The following DOCK9 variants were observed in gnomAD, a reference collection of about 807,000 sequenced individuals.
DOCK9 encodes dedicator of cytokinesis 9.
DOCK9 carries 89 observed loss-of-function variants against 263.3 expected under a neutral mutation model. The observed-to-expected ratio is 0.34, with a 90% CI of 0.28 to 0.40. The LOEUF is 0.40. Ranked by LOEUF, DOCK9 falls within the 10% of genes least tolerant of loss-of-function variation. The probability of loss-of-function intolerance (pLI) is 1.00; values close to 1 mark genes in which losing one functional copy is unlikely to be tolerated. For missense variants in DOCK9, 2,140 were observed against 2,603.4 expected (o/e 0.82, Z 3.87); for synonymous variants, 976 against 973.1 (o/e 1.00, Z -0.06).
At chr13:98,822,299 A>T (rs2092318933) in intron 45 of DOCK9, among the ~76,000 whole-genome samples, 1 of 152,226 alleles carries the variant, frequency 6.6e-6, no homozygotes, top group Non-Finnish European at 1.5e-5. Context: ...GGCTGTCTGC[A>T]CTTGATTTCA....
At chr13:98,903,599 C>CAAAA (rs72290114) in intron 10 of DOCK9, among the ~76,000 whole-genome samples, 1 of 78,542 alleles carries the variant, frequency 1.3e-5, no homozygotes, top group Non-Finnish European at 2.4e-5. Context: ...GACTCTGCCT[C>CAAAA]AAAAAAAAAA....
chr13:98,978,118 C>T, upstream of DOCK9: 1 of 1,380,480 alleles, frequency 7.2e-7, no homozygotes, highest in African/African-American at 1.5e-5. Context: ...GTTACTACTC[C>T]ATGCAAAAGG....
intron 1 of DOCK9, among the ~76,000 whole-genome samples, chr13:99,044,634 A>C (rs1221982214): frequency 1.3e-5 from 2 of 152,218 alleles, no homozygotes; most frequent in African/African-American, 4.8e-5. Context: ...TTTTGCCACC[A>C]AAAATAAATG....
intron 1 of DOCK9, among the ~76,000 whole-genome samples, chr13:99,064,907 G>A (rs2041351145): frequency 6.6e-6 from 1 of 152,198 alleles, no homozygotes; most frequent in African/African-American, 2.4e-5. Context: ...CCATTCCTCT[G>A]CTGGTGGTTT....
In DOCK9 at chr13:98,881,581, T is replaced by G. The variant is rs762676659; in HGVS notation, c.2722A>C (p.Ser908Arg). 3.1e-6 allele frequency: 5 copies of G among 1,608,684 alleles called. No homozygotes were observed. The East Asian group carries it at 1.1e-4, about 36-fold the overall frequency. Residue 908 changes from serine (S) to arginine (R), a missense_variant, in exon 25 of 53, where the codon AGC (serine) becomes CGC (arginine). Around this residue, in one of 2 missense-constraint regions of DOCK9, gnomAD observed 1,521 missense variants for 1,741.7 expected, o/e 0.87. Transcript: ENST00000682017. ...ACCTTAACATATGACCTCAAGTGGC[T>G]CTCCAATCCTTCCTCATGGCACTGG... is the stretch of plus-strand genomic sequence containing the variant. ...VAQCHEEGLE[S>R]HLRSYVKYAY...
chr13:98,930,131 A>C, intron 3 of DOCK9, 37 bp downstream of exon 3: 1 of 1,565,852 alleles, frequency 6.4e-7, no homozygotes, highest in Non-Finnish European at 8.7e-7. Flanking sequence ...GGGGAAAATG[A>C]CTTCAAAATG....
intron 44 of DOCK9, 26 bp from the exon 45 acceptor site, chr13:98,824,530 T>C (rs1258848123): frequency 1.1e-5 from 18 of 1,606,330 alleles, no homozygotes; most frequent in Non-Finnish European, 1.5e-5. Context: ...GGAGGGACAG[T>C]CAGAGTTAGG....
At chr13:99,038,288 CTTTTTTTTTTTTTTTTT>C (rs71419743) in intron 1 of DOCK9, among the ~76,000 whole-genome samples, 4 of 86,264 alleles carry the variant, frequency 4.6e-5, no homozygotes, top group Admixed American at 4.5e-4. Context: ...TTATGCCCCC[CTTTTTTTTTTTTTTTTT>C]TTTTTTTTTT....
rs1390062021 is a variant in DOCK9 at position 98,800,468 on chromosome 13, G to A, written c.5736C>T (p.Cys1912=). 7 of 1,613,926 alleles carry A rather than the reference G, an allele frequency of 4.3e-6. No homozygotes were observed. Among genetic ancestry groups the A allele is most frequent in the Non-Finnish European group, 5.9e-6 (7 of 1,179,808 alleles). Residue 1912 remains cysteine, a synonymous_variant, in exon 50 of 53, where the codon TGC becomes TGT. Coordinates refer to ENST00000682017, the MANE Select transcript of DOCK9 (RefSeq NM_001366683.2). The part of the protein sequence containing the change: ...KRRTILTAIH[C]FPYVKKRIPV... ...GGATGCGCTTCTTCACATAAGGGAA[G>A]CAGTGTATGGCTGCAGAGGGTAAGC...
At chr13:99,042,237 T>C (rs1291742839) in intron 1 of DOCK9, among the ~76,000 whole-genome samples, 2 of 152,250 alleles carry the variant, frequency 1.3e-5, no homozygotes, top group African/African-American at 4.8e-5. Context: ...AAATAGTCAC[T>C]GATGCACCAA....
Position 98,804,993 on chromosome 13 carries a change from C to T in DOCK9, c.5725+6G>A. On this transcript the variant is annotated splice_donor_region_variant and intron_variant, in intron 49 of 52. Transcript: ENST00000682017. Reference sequence around the variant, plus strand: ...CTCGTGTCCATGCGGCTTCTGGGGCCCATACCTGTCAGGATGGTGCGCCGT... The same window carrying T: ...CTCGTGTCCATGCGGCTTCTGGGGCTCATACCTGTCAGGATGGTGCGCCGT... The T allele has an allele frequency of 6.3e-7, 1 of 1,594,548 alleles. No homozygotes were observed. The highest frequency in any genetic ancestry group is 8.5e-7 in the Non-Finnish European group (1 of 1,170,616).
intron 38 of DOCK9, among the ~76,000 whole-genome samples, chr13:98,842,378 A>G (rs1041498730): frequency 6.6e-6 from 1 of 152,248 alleles, no homozygotes; most frequent in Non-Finnish European, 1.5e-5. Flanking sequence ...CTGAAATATT[A>G]TCTGCAACTT....
At chr13:98,903,987 T>G (rs2048721335) in intron 10 of DOCK9, among the ~76,000 whole-genome samples, 1 of 152,140 alleles carries the variant, frequency 6.6e-6, no homozygotes, top group African/African-American at 2.4e-5. Context: ...GAAAGGAAGG[T>G]TATCATTTGA....
chr13:98,923,312 T>C lies in DOCK9; in HGVS notation c.476A>G (p.Asp159Gly). 1.2e-6 allele frequency: 2 copies of C among 1,613,834 alleles called. No homozygotes were observed. The highest frequency in any genetic ancestry group is 1.7e-6 in the Non-Finnish European group (2 of 1,179,720). The change falls in exon 5 of 53, where the codon GAC (aspartate) becomes GGC (glycine). Residue 159 changes from aspartate (D) to glycine (G), a missense_variant. Asp to Gly is a moderately conservative substitution (Grantham distance 94, BLOSUM62 -1). Transcript: ENST00000682017. The part of the protein sequence containing the change: ...VHVYEVDEEV[D>G]KDEDAASLGS... Reference sequence around the variant, plus strand: ...AAGCAGGTATCCCACCTCATCTTTGTCGACCTCCTCGTCAACTTCATAGAC... The same window carrying C: ...AAGCAGGTATCCCACCTCATCTTTGCCGACCTCCTCGTCAACTTCATAGAC...
chr13:98,941,449 C>T (rs2055831528), intron 2 of DOCK9, among the ~76,000 whole-genome samples: 1 of 152,188 alleles, frequency 6.6e-6, no homozygotes, highest in Non-Finnish European at 1.5e-5. Context: ...TTTCATTCTG[C>T]CACCTTCTCA....
At chr13:99,008,075 G>C (rs1299917486) in intron 1 of DOCK9, among the ~76,000 whole-genome samples, 1 of 151,348 alleles carries the variant, frequency 6.6e-6, no homozygotes, top group Non-Finnish European at 1.5e-5. Flanking sequence ...TGGAAGAGAA[G>C]GTATAGGTTA....
At chr13:98,910,971 G>A (rs1277037933) in intron 9 of DOCK9, among the ~76,000 whole-genome samples, 8 of 151,460 alleles carry the variant, frequency 5.3e-5, no homozygotes, top group African/African-American at 1.5e-4. Context: ...CTTCTCAACC[G>A]GTGCAAATAG....
chr13:98,904,486 TA>T, intron 10 of DOCK9, 145 bp downstream of exon 10: 1 of 616,756 alleles, frequency 1.6e-6, no homozygotes, highest in Non-Finnish European at 2.8e-6. Flanking sequence ...TATACATTTT[TA>T]TTTTTCCTCT....
intron 1 of DOCK9, among the ~76,000 whole-genome samples, chr13:99,085,420 G>A (rs1340679070): frequency 6.6e-6 from 1 of 152,246 alleles, no homozygotes; most frequent in African/African-American, 2.4e-5. Context: ...AGGTGAATCG[G>A]GTTGTAGTGC....
Sources: allele counts gnomAD v4.1 joint callset (sites outside exome capture counted in the v4.1 genomes callset), GRCh38; gene constraint gnomAD v4.1.1; regional missense constraint gnomAD v4.1.1; transcripts MANE v1.5; gene names NCBI Gene and HGNC (gene_info 2026-07-23, HGNC 2026-07-21).